Variants in TTN observed in about 807,000 individuals in gnomAD.
TTN encodes connectin.
In TTN, 1,525 loss-of-function variants were observed where a neutral mutation model predicts 3,223.0. The ratio of observed to expected loss-of-function variants is 0.47; its 90% CI spans 0.45 to 0.49. TTN has a LOEUF of 0.49. TTN is among the 20% of genes least tolerant of loss of function. The pLI is 0.00. For missense variants in TTN, 40,786 were observed against 43,424.0 expected (o/e 0.94, Z 5.40); for synonymous variants, 14,094 against 15,161.0 (o/e 0.93, Z 5.17).
chr2:178,778,398 T>G (rs1166924977), intron 24 of TTN: 5 of 264,294 alleles, frequency 1.9e-5, no homozygotes, highest in Non-Finnish European at 3.7e-5. Flanking sequence ...GAGGAAAACA[T>G]AGAAATGAAT....
intron 77 of TTN, 40 bp from the exon 78 acceptor site, chr2:178,722,174 GT>G: frequency 1.3e-6 from 2 of 1,529,108 alleles, no homozygotes; most frequent in Non-Finnish European, 8.8e-7. Context: ...TTTTTTGTTT[GT>G]TTTTTTGCCA....
chr2:178,569,650 G>A lies in TTN; in HGVS notation c.76482C>T (p.Asp25494=), dbSNP rs370908118. ...INKAGVGEHA[D]VPGPIIVEEK... ...CTTCAACTATAATAGGTCCAGGGAC[G>A]TCAGCATGTTCTCCAACTCCAGCTT... Residue 25494 remains aspartate (D), a synonymous_variant, in exon 326 of 363, where the codon GAC becomes GAT. Coordinates refer to ENST00000589042, the MANE Select transcript of TTN (RefSeq NM_001267550.2). The A allele has an allele frequency of 1.6e-5, 26 of 1,612,036 alleles. No homozygotes were observed. Among genetic ancestry groups the A allele is most frequent in the East Asian group, 4.5e-5 (2 of 44,612 alleles).
rs1446225251 is a variant in TTN, at chr2:178,792,081, A to C, written c.1653T>G (p.Thr551=). 7 of 1,612,216 alleles carry C rather than the reference A, an allele frequency of 4.3e-6. No individual in the cohort carries two copies. The highest frequency in any genetic ancestry group is 5.9e-6 in the Non-Finnish European group (7 of 1,179,164). The change falls in exon 10 of 363, where the codon ACT becomes ACG. Residue 551 remains threonine (T), a synonymous_variant. Coordinates refer to ENST00000589042, the MANE Select transcript of TTN (RefSeq NM_001267550.2). ...AGAAAATCAGACTTACTGCTTCTTG[A>C]GTTACTTGTTTCTGTTTCTTAGTAA... The part of the protein sequence containing the change: ...EEITKKQKQV[T]QEAIRQETEI...
rs886055224 is a variant in TTN, at chr2:178,534,740, C to T, written c.101875G>A (p.Glu33959Lys). 23 of 1,613,672 alleles carry T rather than the reference C, an allele frequency of 1.4e-5. No individual in the cohort carries two copies. The highest frequency in any genetic ancestry group is 6.7e-5 in the East Asian group (3 of 44,894). ...TRRSSTIKII[E>K]FGQARQLKPG... ...TTCAGCTGACGGGCTTGACCAAATT[C>T]TATGATTTTAATGGTAGAGCTTCTT... is the stretch of plus-strand genomic sequence containing the variant. The change falls in exon 358 of 363, where the codon GAA becomes AAA. Residue 33959 changes from glutamate (E) to lysine (K), a missense_variant. By Grantham distance (56) the Glu-to-Lys change is moderately conservative. Transcript: ENST00000589042.
At chr2:178,693,802 G>A in intron 118 of TTN, 113 bp from the exon 119 acceptor site, 2 of 1,238,144 alleles carry the variant, frequency 1.6e-6, no homozygotes, top group Non-Finnish European at 2.3e-6. Flanking sequence ...AAATGAAAAA[G>A]ATGACAGAAT....
Position 178,732,242 on chromosome 2 carries a change from G to C in TTN, c.16727C>G (p.Thr5576Arg). 1 of 1,613,830 alleles carries C rather than the reference G, an allele frequency of 6.2e-7. No individual in the cohort carries two copies. The highest frequency in any genetic ancestry group is 8.5e-7 in the Non-Finnish European group (1 of 1,179,790). The stretch of plus-strand genomic sequence containing the variant: ...AATTTCTCTATCATTTGCAAACCAT[G>C]TTATTTTAATTGGAGGGGTACCAGT... ...KVTGTPPIKITWFANDREIKE... is the reference protein window; with the variant it reads ...KVTGTPPIKIRWFANDREIKE... Residue 5576 changes from threonine to arginine, a missense_variant, in exon 57 of 363, where the codon ACA becomes AGA. Transcript: ENST00000589042.
Position 178,581,731 on chromosome 2 carries a change from C to T in TTN, c.66537G>A (p.Lys22179=). The T allele has an allele frequency of 6.2e-7, 1 of 1,609,498 alleles. No individual in the cohort carries two copies. Among genetic ancestry groups the T allele is most frequent in the Non-Finnish European group, 8.5e-7 (1 of 1,177,800 alleles). ...TAGGGCTGCCGCCGTCATAGGCTGG[C>T]TTGCCCCAAGATAGACTCACAGAGC... ...TRSSVSLSWG[K]PAYDGGSPII... Residue 22179 remains lysine, a synonymous_variant, in exon 316 of 363, where the codon AAG becomes AAA. Coordinates refer to ENST00000589042, the MANE Select transcript of TTN (RefSeq NM_001267550.2).
chr2:178,757,168 T>G lies in TTN; in HGVS notation c.10679-371A>C, dbSNP rs192945764. 4.6e-5 allele frequency among the ~76,000 whole-genome samples: 7 copies of G among 150,930 alleles called. 1 individual carries two copies. The highest frequency in any genetic ancestry group is 7.3e-5 in the African/African-American group (3 of 40,986). On this transcript the variant is annotated intron_variant, in intron 45 of 362. Transcript: ENST00000589042. The stretch of plus-strand genomic sequence containing the variant: ...TGTATGCTTTAAGTACAGTAAGTAA[T>G]ACTGTACTTACTTTAAGTACAGTAA...
rs397517577 is a variant in TTN at position 178,629,359 on chromosome 2, T to C, written c.44366A>G (p.Tyr14789Cys). 56 of 1,612,864 alleles carry C rather than the reference T, an allele frequency of 3.5e-5. No homozygotes were observed. Among genetic ancestry groups the C allele is most frequent in the South Asian group, 1.6e-4 (15 of 91,060 alleles). ...ATACCATTCCACTGGGATATCTTCGTAGGAGAGCTCGCAGTCGAAGGTGGC... is the reference window on the plus strand; with the variant it reads ...ATACCATTCCACTGGGATATCTTCGCAGGAGAGCTCGCAGTCGAAGGTGGC... ...ETATFDCELS[Y>C]EDIPVEWYLK... Residue 14789 changes from tyrosine to cysteine, a missense_variant, in exon 240 of 363, where the codon TAC (tyrosine) becomes TGC (cysteine). By Grantham distance (194) the Tyr-to-Cys change is radical (BLOSUM62 -2). Coordinates refer to ENST00000589042, the MANE Select transcript of TTN (RefSeq NM_001267550.2).
chr2:178,788,456 T>C (rs2093321950), intron 13 of TTN, among the ~76,000 whole-genome samples: 1 of 152,104 alleles, frequency 6.6e-6, no homozygotes, highest in Admixed American at 6.5e-5. Context: ...GAAAGGCTGA[T>C]ATGCCATTAA....
rs764363274 is a variant in TTN at position 178,546,829 on chromosome 2, A to G, written c.94599T>C (p.Asp31533=). ...VSLIWSAPAY[D]GGSKVVGYII... is the part of the protein sequence containing the mutation. ...TGTAGCCCACAACCTTGCTGCCTCC[A>G]TCATACGCTGGGGCAGACCAAATCA... The change falls in exon 341 of 363, where the codon GAT becomes GAC. Residue 31533 remains aspartate (D), a synonymous_variant. Transcript: ENST00000589042. The G allele has an allele frequency of 4.3e-6, 7 of 1,610,258 alleles. No homozygotes were observed. Among genetic ancestry groups the G allele is most frequent in the Middle Eastern group, 1.6e-4 (1 of 6,064 alleles).
rs1707567452 is a variant in TTN at position 178,570,041 on chromosome 2, A to G, written c.76091T>C (p.Leu25364Pro). 1 of 1,613,322 alleles carries G rather than the reference A, an allele frequency of 6.2e-7. No homozygotes were observed. Among genetic ancestry groups the G allele is most frequent in the South Asian group, 1.1e-5 (1 of 91,060 alleles). Residue 25364 changes from leucine to proline, a missense_variant, in exon 326 of 363, where the codon CTG (leucine) becomes CCG (proline). Transcript: ENST00000589042. ...ATTTTCTATGAGTCCAGTTACTCTC[A>G]GGCGCAACTCTCCAATCAGACGCTT... ...CHKRLIGELR[L>P]RVTGLIENHD...
At chr2:178,774,805 A>G (rs2154345360) in intron 29 of TTN, 116 bp downstream of exon 29, 3 of 1,199,690 alleles carry the variant, frequency 2.5e-6, no homozygotes, top group Middle Eastern at 5.3e-4. Flanking sequence ...TATGAAACTT[A>G]TAGTCAATTT....
Position 178,591,693 on chromosome 2 carries a change from T to A in TTN, c.60126A>T (p.Gln20042His). 6.2e-7 allele frequency: 1 copy of A among 1,613,440 alleles called. No individual in the cohort carries two copies. Among genetic ancestry groups the A allele is most frequent in the South Asian group, 1.1e-5 (1 of 91,062 alleles). Residue 20042 changes from glutamine (Q) to histidine (H), a missense_variant, in exon 303 of 363, where the codon CAA becomes CAT. Physicochemically the swap from Gln to His is conservative, Grantham distance 24. Transcript: ENST00000589042. ...NLECVVTGLQQGKTYRFRVKA... is the reference protein window; with the variant it reads ...NLECVVTGLQHGKTYRFRVKA... Reference sequence around the variant, plus strand: ...TTACACGGAATCTATAGGTCTTTCCTTGTTGTAGTCCAGTAACCACACACT... The same window carrying A: ...TTACACGGAATCTATAGGTCTTTCCATGTTGTAGTCCAGTAACCACACACT...
Position 178,679,634 on chromosome 2 carries a change from G to A in TTN, c.33629C>T (p.Pro11210Leu). The part of the protein sequence containing the change: ...KPVPEEKKPV[P>L]VPKKKEAPPA... ...TGGAGCTTCCTTCTTCTTGGGAACA[G>A]GAACAGGTTTCTTCTCTTCTGGAAC... The change falls in exon 141 of 363, where the codon CCT becomes CTT. Residue 11210 changes from proline to leucine, a missense_variant. Physicochemically the swap from Pro to Leu is moderately conservative, Grantham distance 98 (BLOSUM62 -3). Coordinates refer to ENST00000589042, the MANE Select transcript of TTN (RefSeq NM_001267550.2). The A allele has an allele frequency of 6.2e-7, 1 of 1,611,734 alleles. No homozygotes were observed. The highest frequency in any genetic ancestry group is 1.3e-5 in the African/African-American group (1 of 74,802).
intron 47 of TTN, chr2:178,745,683 T>C (rs2083366563): frequency 1.2e-6 from 2 of 1,611,554 alleles, no homozygotes; most frequent in African/African-American, 1.3e-5. Flanking sequence ...AAGCTTGTTA[T>C]AAACAGGTTA....
intron 47 of TTN, chr2:178,745,520 A>G (rs2083325937): frequency 3.8e-6 from 6 of 1,596,040 alleles, no homozygotes; most frequent in Non-Finnish European, 5.1e-6. Context: ...GATCCACATA[A>G]TTTGGAAAAT....
rs2154136064 is a variant in TTN, at chr2:178,534,606, T to A, written c.102009A>T (p.Thr34003=). ...TACCACTCAATAGCACATATACCAG[T>A]GTTCCAAGTGACCACATGTCTGTGG... The part of the protein sequence containing the change: ...STATDMWSLG[T]LVYVLLSGIN... The change falls in exon 358 of 363, where the codon ACA becomes ACT. Residue 34003 remains threonine, a synonymous_variant. Coordinates refer to ENST00000589042, the MANE Select transcript of TTN (RefSeq NM_001267550.2). The A allele has an allele frequency of 6.2e-7, 1 of 1,613,826 alleles. No individual in the cohort carries two copies. Among genetic ancestry groups the A allele is most frequent in the African/African-American group, 1.3e-5 (1 of 75,038 alleles).
Position 178,531,963 on chromosome 2 carries a change from TG to T in TTN, c.104651del (p.Pro34884HisfsTer31). ...RRSPTPERTRPRSPSPVSSER... is the reference protein window; with the variant it reads ...RRSPTPERTRXRSPSPVSSER... The stretch of plus-strand genomic sequence containing the variant: ...CACTAGACACAGGGCTGGGGGATCG[TG>T]GGCGAGTTCTCTCTGGAGTAGGTGA... On this transcript the variant is annotated frameshift_variant, in exon 358 of 363. Transcript: ENST00000589042. LOFTEE classifies it high-confidence loss of function. 6.2e-7 allele frequency: 1 copy of T among 1,613,698 alleles called. No homozygotes were observed. The highest frequency in any genetic ancestry group is 8.5e-7 in the Non-Finnish European group (1 of 1,179,794).
Sources: allele counts gnomAD v4.1 joint callset (sites outside exome capture counted in the v4.1 genomes callset), GRCh38; gene constraint gnomAD v4.1.1; transcripts MANE v1.5; gene names NCBI Gene and HGNC (gene_info 2026-07-23, HGNC 2026-07-21).